PUDP: variants seen among roughly 807,000 people sequenced by gnomAD.
PUDP encodes the protein pseudouridine-5'-phosphatase.
In PUDP, 8 loss-of-function variants were observed where a neutral mutation model predicts 9.4. The ratio of observed to expected loss-of-function variants is 0.85; its 90% CI spans 0.50 to 1.53. PUDP has a LOEUF of 1.53. PUDP is among the 40% of genes most tolerant of loss of function. PUDP has a pLI of 0.00. For synonymous variants in PUDP, 99 were observed against 80.7 expected (o/e 1.23, Z -1.22); for missense variants, 188 against 189.7 (o/e 0.99, Z 0.05).
chrX:6,918,922 T>G (rs1927976458), intron 3 of PUDP, among the ~76,000 whole-genome samples: 1 of 112,246 alleles, frequency 8.9e-6, no homozygotes, highest in South Asian at 3.7e-4. Context: ...CATTTATCAT[T>G]CAAATTCAGA....
intron 3 of PUDP, among the ~76,000 whole-genome samples, chrX:6,959,817 G>A (rs1012333769): frequency 4.0e-4 from 45 of 112,552 alleles, no homozygotes; most frequent in African/African-American, 1.3e-3. Flanking sequence ...TCTACAAGGT[G>A]GAATATAGAG....
intron 1 of PUDP, among the ~76,000 whole-genome samples, chrX:7,011,808 C>G (rs1353590216): frequency 1.8e-5 from 2 of 112,211 alleles, no homozygotes; most frequent in African/African-American, 6.5e-5. Flanking sequence ...GAACTAAACA[C>G]AATTTCAAAA....
At chrX:6,794,146 G>A (rs1309069366) in intron 3 of PUDP, among the ~76,000 whole-genome samples, 2 of 112,276 alleles carry the variant, frequency 1.8e-5, no homozygotes, top group Non-Finnish European at 3.8e-5. Flanking sequence ...ATACAGTCAT[G>A]TGTTGCTTAA....
chrX:7,068,950 T>G (rs995238560), intron 3 of PUDP, among the ~76,000 whole-genome samples: 3 of 111,814 alleles, frequency 2.7e-5, no homozygotes, highest in African/African-American at 9.8e-5. Context: ...ACTCTACCCA[T>G]GTCCAGAAAC....
At chrX:7,081,163 T>C (rs1008644984) in intron 2 of PUDP, among the ~76,000 whole-genome samples, 2 of 111,784 alleles carry the variant, frequency 1.8e-5, no homozygotes, top group Admixed American at 9.5e-5. Context: ...CAGATTATTT[T>C]ATTATTATTG....
At chrX:6,959,276 A>G (rs966124868) in intron 3 of PUDP, among the ~76,000 whole-genome samples, 5 of 111,423 alleles carry the variant, frequency 4.5e-5, no homozygotes, top group African/African-American at 9.8e-5. Context: ...AAATATGTCA[A>G]AAGAGAGGCC....
intron 1 of PUDP, among the ~76,000 whole-genome samples, chrX:7,037,152 G>GA (rs1929864276): frequency 9.0e-6 from 1 of 111,716 alleles, no homozygotes; most frequent in African/African-American, 3.3e-5. Context: ...AGGGGAAGAG[G>GA]AATGTGCTAA....
chrX:7,000,480 AC>A (rs1490609195), intron 1 of PUDP, among the ~76,000 whole-genome samples: 1 of 111,079 alleles, frequency 9.0e-6, no homozygotes, highest in Non-Finnish European at 1.9e-5. Flanking sequence ...TAAGAAATTT[AC>A]CCCAATTCAT....
chrX:6,929,344 A>G (rs5935844), intron 3 of PUDP, among the ~76,000 whole-genome samples: 1 of 111,818 alleles, frequency 8.9e-6, no homozygotes, highest in Non-Finnish European at 1.9e-5. Context: ...GGGAAACATA[A>G]GGCATCAGTC....
intron 3 of PUDP, among the ~76,000 whole-genome samples, chrX:6,890,930 C>A (rs1161435513): frequency 1.6e-5 from 1 of 62,949 alleles, no homozygotes; most frequent in Non-Finnish European, 2.7e-5. Flanking sequence ...GAGGCCTCAT[C>A]TCTCCAAAAA....
chrX:7,137,813 G>C (rs1207685111), intron 1 of PUDP, among the ~76,000 whole-genome samples: 1 of 111,962 alleles, frequency 8.9e-6, no homozygotes, highest in African/African-American at 3.2e-5. Context: ...CTCTGTCCCC[G>C]GCAGCCTCCT....
At position 7,050,263 on chromosome X, in the gene PUDP, T is replaced by C. The variant is rs902247931; in HGVS notation, c.*33A>G. On this transcript the variant is annotated 3_prime_UTR_variant, in exon 4 of 4. Coordinates refer to ENST00000381077, the MANE Select transcript of PUDP (RefSeq NM_012080.5). ...CCCCCAGCAGTGTGGACCATGAGAG[T>C]GGGCTGGGGGCGGAAGACTGAGGCC... 1 of 1,183,114 alleles carries C rather than the reference T, an allele frequency of 8.5e-7. No individual in the cohort carries two copies. The highest frequency in any genetic ancestry group is 1.8e-5 in the African/African-American group (1 of 56,369).
At chrX:6,840,703 T>C (rs749337351) in intron 3 of PUDP, among the ~76,000 whole-genome samples, 2 of 110,401 alleles carry the variant, frequency 1.8e-5, no homozygotes, top group East Asian at 5.8e-4. Context: ...GCCAAACCCA[T>C]AGAACGTACA....
intron 3 of PUDP, chrX:7,057,647 G>C: frequency 1.8e-6 from 2 of 1,129,733 alleles, no homozygotes; most frequent in Non-Finnish European, 2.3e-6. Context: ...GGCCATCGTG[G>C]GACACCCAAG....
chrX:6,907,110 G>A (rs919851811), intron 3 of PUDP, among the ~76,000 whole-genome samples: 2 of 110,595 alleles, frequency 1.8e-5, no homozygotes, highest in Non-Finnish European at 1.9e-5. Flanking sequence ...GGGAGACGGT[G>A]GGAGGTAATT....
intron 1 of PUDP, among the ~76,000 whole-genome samples, chrX:7,124,754 GGC>G (rs1240779181): frequency 1.8e-5 from 2 of 110,823 alleles, no homozygotes; most frequent in Non-Finnish European, 3.8e-5. Context: ...AGACCATCCT[GGC>G]TAACACGGTG....
chrX:7,010,888 C>T (rs1234651539), intron 1 of PUDP, among the ~76,000 whole-genome samples: 1 of 111,976 alleles, frequency 8.9e-6, no homozygotes, highest in Non-Finnish European at 1.9e-5. Context: ...CAATACAGCA[C>T]AGCACAATCC....
chrX:7,063,436 C>T (rs1261147741), intron 3 of PUDP, among the ~76,000 whole-genome samples: 2 of 111,182 alleles, frequency 1.8e-5, no homozygotes, highest in East Asian at 5.7e-4. Flanking sequence ...GTGTTCAATT[C>T]AGCTTATCTG....
intron 1 of PUDP, among the ~76,000 whole-genome samples, chrX:7,138,704 G>T (rs1932771308): frequency 9.0e-6 from 1 of 111,589 alleles, no homozygotes. Flanking sequence ...AAACATTAGA[G>T]ATTTCTAATC....
Sources: allele counts gnomAD v4.1 joint callset (sites outside exome capture counted in the v4.1 genomes callset), GRCh38; gene constraint gnomAD v4.1.1; transcripts MANE v1.5; gene names NCBI Gene and HGNC (gene_info 2026-07-23, HGNC 2026-07-21).